The following INSL6 variants were observed in gnomAD, a reference collection of about 807,000 sequenced individuals.
INSL6 encodes insulin-like peptide INSL6.
Under a neutral mutation model 9.4 loss-of-function variants are expected in INSL6, and 16 were observed. The observed-to-expected ratio is 1.70, with a 90% CI of 1.15 to 2.59. The LOEUF (loss-of-function observed/expected upper bound fraction) is 2.59. Ranked by LOEUF, INSL6 falls within the 30% of genes most tolerant of loss-of-function variation. The pLI, the probability that INSL6 is intolerant of heterozygous loss-of-function variation, is 0.00. For synonymous variants in INSL6, 154 were observed against 96.9 expected, an observed-to-expected ratio of 1.59 and a Z score of -3.46; for missense variants, 391 against 257.3, an observed-to-expected ratio of 1.52 and a Z score of -3.56.
intron 2 of INSL6, among the ~76,000 whole-genome samples, chr9:5,147,077 G>C (rs1824614148): frequency 6.6e-6 from 1 of 152,152 alleles, no homozygotes; most frequent in Admixed American, 6.5e-5. Context: ...AAGCCTAGAG[G>C]GGTGGTCATC....
intron 3 of INSL6, among the ~76,000 whole-genome samples, chr9:5,132,553 TAAAA>T (rs145340474): frequency 6.9e-6 from 1 of 144,972 alleles, no homozygotes; most frequent in African/African-American, 2.5e-5. Context: ...TTCTTTTTCT[TAAAA>T]AAAAAAAAGA....
intron 1 of INSL6, among the ~76,000 whole-genome samples, chr9:5,166,976 T>C (rs548403825): frequency 7.0e-4 from 106 of 152,200 alleles, no homozygotes; most frequent in Non-Finnish European, 1.2e-3. Context: ...GATGGCTGAA[T>C]AGAAACACCT....
At chr9:5,128,131 A>G in intron 3 of INSL6, 1 of 230,718 alleles carries the variant, frequency 4.3e-6, no homozygotes, top group East Asian at 6.0e-5. Context: ...TTATTTATAC[A>G]AAACTTAAAA....
chr9:5,176,588 T>TA (rs891152700), intron 1 of INSL6, among the ~76,000 whole-genome samples: 15 of 151,270 alleles, frequency 9.9e-5, no homozygotes, highest in South Asian at 2.1e-4. Context: ...TTACGATGAT[T>TA]AAAAAAAAAT....
chr9:5,111,678 G>A, the INSL6 span: 1 of 421,208 alleles, frequency 2.4e-6, no homozygotes. Context: ...GGCCCTGTGG[G>A]CAGTGGCGGA....
chr9:5,068,837 G>C, the INSL6 span, among the ~76,000 whole-genome samples: 1 of 152,144 alleles, frequency 6.6e-6, no homozygotes. Context: ...ACTTTTGTAG[G>C]CTGAGAAATT....
the INSL6 span, among the ~76,000 whole-genome samples, chr9:5,104,874 A>G: frequency 6.6e-6 from 1 of 152,098 alleles, no homozygotes; most frequent in Non-Finnish European, 1.5e-5. Context: ...CATGCCAAAA[A>G]CTCTCAATAA....
intron 2 of INSL6, among the ~76,000 whole-genome samples, chr9:5,144,373 G>A (rs952529935): frequency 6.6e-6 from 1 of 152,168 alleles, no homozygotes; most frequent in Non-Finnish European, 1.5e-5. Flanking sequence ...GAGACCGTTT[G>A]TATGATTTCA....
intron 3 of INSL6, chr9:5,132,280 A>G (rs1824306156): frequency 6.6e-6 from 1 of 152,218 alleles, no homozygotes; most frequent in Non-Finnish European, 1.5e-5. Context: ...GAAATCTGAG[A>G]TCTAAAGAAT....
the INSL6 span, among the ~76,000 whole-genome samples, chr9:5,009,173 C>T: frequency 6.6e-6 from 1 of 152,148 alleles, no homozygotes; most frequent in East Asian, 1.9e-4. Context: ...AATGGATGAG[C>T]AAATTGGGTG....
the INSL6 span, among the ~76,000 whole-genome samples, chr9:5,034,251 G>C: frequency 2.6e-5 from 4 of 152,136 alleles, no homozygotes; most frequent in African/African-American, 4.8e-5. Flanking sequence ...CAAGTCCTTA[G>C]AGACCTACAA....
At chr9:5,056,353 A>C in the INSL6 span, among the ~76,000 whole-genome samples, 1 of 151,944 alleles carries the variant, frequency 6.6e-6, no homozygotes, top group African/African-American at 2.4e-5. Flanking sequence ...TTTGCTCTTA[A>C]GTTTCTCATT....
the INSL6 span, among the ~76,000 whole-genome samples, chr9:5,019,442 T>C: frequency 2.8e-4 from 42 of 152,298 alleles, no homozygotes; most frequent in Admixed American, 7.8e-4. Context: ...GTTGTTTTTC[T>C]GGTTTCTTTG....
chr9:5,005,922 T>G, the INSL6 span, among the ~76,000 whole-genome samples: 5 of 152,212 alleles, frequency 3.3e-5, no homozygotes, highest in Non-Finnish European at 5.9e-5. Flanking sequence ...TGAAGTCAGG[T>G]AGCGTGATGC....
chr9:5,184,535 C>T (rs750709195), intron 1 of INSL6, among the ~76,000 whole-genome samples: 3 of 152,206 alleles, frequency 2.0e-5, no homozygotes, highest in Non-Finnish European at 2.9e-5. Context: ...GCTAGGCCAT[C>T]TGCTAAGCAT....
chr9:4,999,870 GCATGCTACTACTCCTGTCCTTTTT>G, the INSL6 span, among the ~76,000 whole-genome samples: 3 of 152,236 alleles, frequency 2.0e-5, no homozygotes, highest in East Asian at 5.8e-4. Context: ...TATTAGATAT[GCATGCTACTACTCCTGTCCTTTTT>G]CAAAGGACAA....
the INSL6 span, chr9:5,077,670 C>T: frequency 1.3e-6 from 1 of 787,716 alleles, no homozygotes; most frequent in Non-Finnish European, 1.8e-6. Flanking sequence ...AAAAATAAAT[C>T]TGTAATTGGA....
At chr9:5,038,590 T>G in the INSL6 span, among the ~76,000 whole-genome samples, 1 of 102,334 alleles carries the variant, frequency 9.8e-6, no homozygotes. Flanking sequence ...GTGTTTTGGA[T>G]TTTAGATTTT....
the INSL6 span, among the ~76,000 whole-genome samples, chr9:5,029,252 G>A: frequency 6.6e-6 from 1 of 152,276 alleles, no homozygotes; most frequent in African/African-American, 2.4e-5. Flanking sequence ...GAGAGACACA[G>A]GAATGGCTGT....
Sources: allele counts gnomAD v4.1 joint callset (sites outside exome capture counted in the v4.1 genomes callset), GRCh38; gene constraint gnomAD v4.1.1; transcripts MANE v1.5; gene names NCBI Gene and HGNC (gene_info 2026-07-23, HGNC 2026-07-21).